Variants in IQCM observed in about 807,000 individuals in gnomAD.
The protein encoded by IQCM is IQ motif containing M, also known as IQ domain-containing protein M.
IQCM carries 45 observed loss-of-function variants against 57.6 expected under a neutral mutation model. The ratio of observed to expected loss-of-function variants is 0.78; its 90% CI spans 0.62 to 1.00. The LOEUF is 1.00. Ranked by LOEUF, IQCM falls within the 50% of genes least tolerant of loss-of-function variation. The pLI is 0.00. For missense variants in IQCM, 468 were observed against 511.6 expected, an observed-to-expected ratio of 0.91 and a Z score of 0.82; for synonymous variants, 148 against 158.9, an observed-to-expected ratio of 0.93 and a Z score of 0.51.
intron 8 of IQCM, among the ~76,000 whole-genome samples, chr4:149,604,846 A>G (rs1754633777): frequency 1.3e-5 from 2 of 152,282 alleles, no homozygotes; most frequent in South Asian, 4.1e-4. Flanking sequence ...GAGAACAAGC[A>G]TACCTAGCTT....
chr4:149,696,302 G>A (rs1763337218), intron 5 of IQCM, among the ~76,000 whole-genome samples: 1 of 152,108 alleles, frequency 6.6e-6, no homozygotes, highest in Non-Finnish European at 1.5e-5. Context: ...TTTATGAAAA[G>A]ATTCCAAAAA....
At chr4:149,800,416 C>T (rs946624668) in intron 2 of IQCM, among the ~76,000 whole-genome samples, 1 of 151,812 alleles carries the variant, frequency 6.6e-6, no homozygotes. Flanking sequence ...AAACTGAAAC[C>T]CTTTCCTCTA....
chr4:149,782,903 C>A (rs78956895), intron 2 of IQCM, among the ~76,000 whole-genome samples: 4,320 of 152,284 alleles, frequency 0.028, 428 homozygotes, highest in East Asian at 0.22. Flanking sequence ...ACTGGACACT[C>A]CTTCTCAGTC....
chr4:149,606,852 A>C (rs1241309553), intron 8 of IQCM, among the ~76,000 whole-genome samples: 1 of 152,174 alleles, frequency 6.6e-6, no homozygotes, highest in East Asian at 1.9e-4. Context: ...AAGCTATTTC[A>C]AAGTACACAA....
intron 7 of IQCM, among the ~76,000 whole-genome samples, chr4:149,639,961 G>A (rs1758049880): frequency 6.6e-6 from 1 of 152,082 alleles, no homozygotes; most frequent in South Asian, 2.1e-4. Context: ...ATAAATGAGA[G>A]CATTTCAAAA....
chr4:149,806,632 A>C (rs1774104834), intron 2 of IQCM, among the ~76,000 whole-genome samples: 1 of 152,000 alleles, frequency 6.6e-6, no homozygotes, highest in African/African-American at 2.4e-5. Context: ...TTTTATAAGT[A>C]AGTCCCTGGT....
At chr4:149,430,042 T>A (rs1734717445) in intron 13 of IQCM, 1 of 1,224,150 alleles carries the variant, frequency 8.2e-7, no homozygotes, top group Admixed American at 4.2e-5. Flanking sequence ...GCAGAGAAAA[T>A]AAATAGCAGT....
In IQCM at chr4:149,495,272, C is replaced by T. The variant is rs555077748; in HGVS notation, c.1228+53183G>A. Among the ~76,000 whole-genome samples the T allele has an allele frequency of 1.0e-3, 154 of 152,166 alleles. 1 individual carries two copies. The highest frequency in any genetic ancestry group is 3.4e-3 in the African/African-American group (142 of 41,532). On this transcript the variant is annotated intron_variant, in intron 12 of 13. Transcript: ENST00000636793. ...GATCTACTGTGACACAGAGACACAA[C>T]TACATAAGCAAACATTGGAAAAGAA...
At chr4:149,593,209 T>C (rs1012891500) in intron 8 of IQCM, among the ~76,000 whole-genome samples, 2 of 152,118 alleles carry the variant, frequency 1.3e-5, no homozygotes, top group Non-Finnish European at 2.9e-5. Flanking sequence ...TTTTATTCTC[T>C]TTGAAGCAAT....
rs557087133 is a variant in IQCM, at chr4:149,488,557, C to T, written c.1229-55000G>A. ...TTTTCCAGATAGATCGCTGTCATAACACACTTCACGCTGCTGTTTTTGAGG... is the reference window on the plus strand; with the variant it reads ...TTTTCCAGATAGATCGCTGTCATAATACACTTCACGCTGCTGTTTTTGAGG... On this transcript the variant is annotated intron_variant, in intron 12 of 13. Coordinates refer to ENST00000636793, the MANE Select transcript of IQCM (RefSeq NM_001363507.2). 5.3e-5 allele frequency among the ~76,000 whole-genome samples: 8 copies of T among 152,160 alleles called. 1 individual carries two copies. In the South Asian group the frequency reaches 1.7e-3, roughly 31 times the overall value.
chr4:149,569,712 GTT>G (rs1750976398), intron 9 of IQCM, among the ~76,000 whole-genome samples: 1 of 152,056 alleles, frequency 6.6e-6, no homozygotes, highest in Non-Finnish European at 1.5e-5. Context: ...TCTCAGTTTA[GTT>G]TAAACTGACA....
In IQCM at chr4:149,368,853, C is replaced by CGT. The variant is rs1560779152; in HGVS notation, c.1391-16788_1391-16787insAC. Among the ~76,000 whole-genome samples, 412 of 57,824 alleles carry CGT rather than the reference C, an allele frequency of 7.1e-3. 104 individuals carry two copies. The highest frequency in any genetic ancestry group is 0.01 in the Non-Finnish European group (304 of 29,330). 37.9% of individuals were successfully genotyped at this position (57,824 alleles called of 152,430 possible). ...ACATGTATATATATACATATATATA[C>CGT]ATGTATATATATACATATATACACG... is the stretch of plus-strand genomic sequence containing the variant. On this transcript the variant is annotated intron_variant, in intron 13 of 13. Transcript: ENST00000636793.
chr4:149,354,450 A>ACAG (rs978459387), intron 13 of IQCM, among the ~76,000 whole-genome samples: 26 of 151,130 alleles, frequency 1.7e-4, no homozygotes, highest in African/African-American at 6.3e-4. Flanking sequence ...TAGTGAGATC[A>ACAG]CAGGGAAAGG....
chr4:149,750,173 G>C (rs1768297585), intron 2 of IQCM, among the ~76,000 whole-genome samples: 1 of 151,976 alleles, frequency 6.6e-6, no homozygotes, highest in African/African-American at 2.4e-5. Context: ...ATTTTGATAG[G>C]AAGACCATAA....
chr4:149,373,937 C>G (rs1730535873), intron 13 of IQCM, among the ~76,000 whole-genome samples: 1 of 152,284 alleles, frequency 6.6e-6, no homozygotes, highest in South Asian at 2.1e-4. Context: ...CTGCCCTCAC[C>G]TTTTCTTTTA....
intron 6 of IQCM, among the ~76,000 whole-genome samples, 184 bp from the exon 7 acceptor site, chr4:149,682,390 C>T (rs1161193271): frequency 6.6e-6 from 1 of 151,080 alleles, no homozygotes; most frequent in Non-Finnish European, 1.5e-5. Context: ...AGACAAAATA[C>T]TACGAAATTT....
intron 2 of IQCM, among the ~76,000 whole-genome samples, chr4:149,743,780 G>A (rs866282042): frequency 6.6e-6 from 1 of 152,106 alleles, no homozygotes. Flanking sequence ...TTCTACATTT[G>A]ACATTATCAT....
At chr4:149,633,808 C>G (rs1019320819) in intron 7 of IQCM, among the ~76,000 whole-genome samples, 4 of 152,116 alleles carry the variant, frequency 2.6e-5, no homozygotes, top group African/African-American at 9.7e-5. Flanking sequence ...AATAACCCAT[C>G]CTCACTGATC....
intron 9 of IQCM, among the ~76,000 whole-genome samples, chr4:149,585,094 T>C (rs898185349): frequency 6.6e-6 from 1 of 151,760 alleles, no homozygotes; most frequent in Admixed American, 6.6e-5. Context: ...TCATCTTTTT[T>C]TCTATAACCA....
Sources: allele counts gnomAD v4.1 joint callset (sites outside exome capture counted in the v4.1 genomes callset), GRCh38; gene constraint gnomAD v4.1.1; transcripts MANE v1.5; gene names NCBI Gene and HGNC (gene_info 2026-07-23, HGNC 2026-07-21).